The following NHLH2 variants were observed in gnomAD, a reference collection of about 807,000 sequenced individuals.
NHLH2 encodes the protein helix-loop-helix protein 2.
NHLH2 carries 7 observed loss-of-function variants against 7.3 expected under a neutral mutation model. The observed-to-expected ratio is 0.96, with a 90% CI of 0.55 to 1.81. The LOEUF (loss-of-function observed/expected upper bound fraction) is 1.81, where lower values mean the gene tolerates loss of function less well. Among genes scored for constraint, NHLH2 ranks in the 40% most tolerant of loss-of-function variants. The pLI, the probability that NHLH2 is intolerant of heterozygous loss-of-function variation, is 0.00. For synonymous variants in NHLH2, 93 were observed against 91.6 expected (o/e 1.01, Z -0.09); for missense variants, 155 against 194.0 (o/e 0.80, Z 1.19).
chr1:115,831,793 A>G (rs534013400), downstream of NHLH2, among the ~76,000 whole-genome samples: 50 of 152,112 alleles, frequency 3.3e-4, 2 homozygotes, highest in East Asian at 8.7e-3. Flanking sequence ...ATGGTGGTAC[A>G]TGCCTGTAAT....
chr1:115,831,711 A>G (rs148381366), downstream of NHLH2, among the ~76,000 whole-genome samples: 3,684 of 152,044 alleles, frequency 0.024, 126 homozygotes, highest in African/African-American at 0.083. Flanking sequence ...ACCTGAGGTC[A>G]GGAGTTCAAG....
In NHLH2 at chr1:115,841,074, G is replaced by A. The variant is rs1206877745; in HGVS notation, c.-464C>T. 6.0e-6 allele frequency: 1 copy of A among 167,140 alleles called. No individual in the cohort carries two copies. Among genetic ancestry groups the A allele is most frequent in the African/African-American group, 2.4e-5 (1 of 41,464 alleles). The allele number at this position is 167,140 out of a possible 1,614,324, so 10.4% of individuals were successfully genotyped here. A position where few individuals can be genotyped will look rare whatever the true frequency, so the allele number is the denominator to read the frequency against. On this transcript the variant is annotated 5_prime_UTR_variant, in exon 1 of 3. Transcript: ENST00000320238. ...AGACGGGAAGAGGGTGGGAGAGCCA[G>A]AGCAAAGAGGCAGAGATGCGTGTGT...
chr1:115,831,943 T>G (rs191987155), downstream of NHLH2, among the ~76,000 whole-genome samples: 608 of 151,078 alleles, frequency 4.0e-3, 2 homozygotes, highest in Middle Eastern at 0.01. Context: ...AAAAAAAAAT[T>G]TACCCCTTGT....
At position 115,837,309 on chromosome 1, in the gene NHLH2, G is replaced by A. The variant is rs919547467; in HGVS notation, c.*656C>T. 3.9e-5 allele frequency: 6 copies of A among 152,586 alleles called. No individual in the cohort carries two copies. Among genetic ancestry groups the A allele is most frequent in the Admixed American group, 6.5e-5 (1 of 15,286 alleles). The allele number at this position is 152,586 out of a possible 1,614,324, so 9.5% of individuals were successfully genotyped here. ...CCTGTCTACCTTGGTGTCATATCTT[G>A]GGGATAAAATATCACCAAGCTCAGA... On this transcript the variant is annotated 3_prime_UTR_variant, in exon 3 of 3. Coordinates refer to ENST00000320238, the MANE Select transcript of NHLH2 (RefSeq NM_005599.3).
chr1:115,834,455 T>C (rs983912993), downstream of NHLH2, among the ~76,000 whole-genome samples: 8 of 152,132 alleles, frequency 5.3e-5, no homozygotes, highest in African/African-American at 1.7e-4. Context: ...TGGGGCCAGC[T>C]GCGGAAAGGT....
chr1:115,838,757 T>G, intron 2 of NHLH2: 1 of 217,232 alleles, frequency 4.6e-6, no homozygotes. Flanking sequence ...TCCTCCTCCC[T>G]CCCTTCGTCC....
chr1:115,838,292 C>T lies in NHLH2; in HGVS notation c.81G>A (p.Thr27=), dbSNP rs750696691. The change falls in exon 3 of 3, where the codon ACG becomes ACA. Residue 27 remains threonine (T), a synonymous_variant. Transcript: ENST00000320238. ...AHSDPESLGG[T]DTKVLGSVSD... is the part of the protein sequence containing the mutation. ...ACACGCTGCCGAGCACCTTGGTGTCCGTGCCGCCCAGGGACTCCGGATCCG... is the reference window on the plus strand; with the variant it reads ...ACACGCTGCCGAGCACCTTGGTGTCTGTGCCGCCCAGGGACTCCGGATCCG... The T allele has an allele frequency of 6.2e-7, 1 of 1,608,110 alleles. No homozygotes were observed. The highest frequency in any genetic ancestry group is 1.3e-5 in the African/African-American group (1 of 74,716).
chr1:115,838,950 C>A (rs952061046), intron 2 of NHLH2: 1 of 167,040 alleles, frequency 6.0e-6, no homozygotes, highest in Non-Finnish European at 1.5e-5. Flanking sequence ...GGGGTGCGGC[C>A]GGTCAGGAAT....
rs973124974 is a variant in NHLH2, at chr1:115,837,632, G to T, written c.*333C>A. ...AGATTTGTGGCGGATGAATGTAGGAGAACTCAAAGTCTCCAGTGGGTTAAA... is the reference window on the plus strand; with the variant it reads ...AGATTTGTGGCGGATGAATGTAGGATAACTCAAAGTCTCCAGTGGGTTAAA... On this transcript the variant is annotated 3_prime_UTR_variant, in exon 3 of 3. Coordinates refer to ENST00000320238, the MANE Select transcript of NHLH2 (RefSeq NM_005599.3). The T allele has an allele frequency of 9.4e-6, 3 of 318,304 alleles. No individual in the cohort carries two copies. The highest frequency in any genetic ancestry group is 1.2e-5 in the Non-Finnish European group (2 of 173,820). 19.7% of individuals were successfully genotyped at this position (318,304 alleles called of 1,614,324 possible). A position where few individuals can be genotyped will look rare whatever the true frequency, so the allele number is the denominator to read the frequency against.
chr1:115,838,484 C>T (rs1650950212), intron 2 of NHLH2, 104 bp from the exon 3 acceptor site: 1 of 1,332,826 alleles, frequency 7.5e-7, no homozygotes, highest in African/African-American at 1.5e-5. Flanking sequence ...GGACGCGCGG[C>T]CCGGGCCCCC....
chr1:115,834,504 C>T (rs1018410226), downstream of NHLH2, among the ~76,000 whole-genome samples: 1 of 152,152 alleles, frequency 6.6e-6, no homozygotes, highest in African/African-American at 2.4e-5. Flanking sequence ...CATGAGCACT[C>T]AGAACATTTT....
At position 115,837,793 on chromosome 1, in the gene NHLH2, C is replaced by G. The variant is rs559787705; in HGVS notation, c.*172G>C. 8.2e-5 allele frequency: 58 copies of G among 703,878 alleles called. No homozygotes were observed. The highest frequency in any genetic ancestry group is 8.2e-4 in the South Asian group (39 of 47,430). 43.6% of individuals were successfully genotyped at this position (703,878 alleles called of 1,614,324 possible). A position where few individuals can be genotyped will look rare whatever the true frequency, so the allele number is the denominator to read the frequency against. On this transcript the variant is annotated 3_prime_UTR_variant, in exon 3 of 3. Coordinates refer to ENST00000320238, the MANE Select transcript of NHLH2 (RefSeq NM_005599.3). ...CCTGCCTGCGTCGGAAACCTTCCCT[C>G]GTCGCCCTGCTGACCAGAGAGAACA...
Position 115,840,321 on chromosome 1 carries a change from T to G in NHLH2, c.-114A>C, listed in dbSNP as rs947285699. 1 of 167,094 alleles carries G rather than the reference T, an allele frequency of 6.0e-6. No individual in the cohort carries two copies. The highest frequency in any genetic ancestry group is 2.4e-5 in the African/African-American group (1 of 41,470). 10.4% of individuals were successfully genotyped at this position (167,094 alleles called of 1,614,324 possible). A position where few individuals can be genotyped will look rare whatever the true frequency, so the allele number is the denominator to read the frequency against. On this transcript the variant is annotated 5_prime_UTR_variant, in exon 2 of 3. It removes the in-frame stop codon of an upstream open reading frame in the 5' UTR. Coordinates refer to ENST00000320238, the MANE Select transcript of NHLH2 (RefSeq NM_005599.3). Reference sequence around the variant, plus strand: ...AATATTAAAAGCAGCAAATATTTATTACATTCAAAAATGAAAAAGCAGCTG... The same window carrying G: ...AATATTAAAAGCAGCAAATATTTATGACATTCAAAAATGAAAAAGCAGCTG...
At chr1:115,833,026 A>G (rs1650787842), downstream of NHLH2, among the ~76,000 whole-genome samples, 2 of 152,216 alleles carry the variant, frequency 1.3e-5, no homozygotes, top group Non-Finnish European at 1.5e-5. Flanking sequence ...GGTCTGGAAC[A>G]AGACTGTGAA....
At chr1:115,831,851 G>A (rs888772042), downstream of NHLH2, among the ~76,000 whole-genome samples, 1 of 151,726 alleles carries the variant, frequency 6.6e-6, no homozygotes, top group Admixed American at 6.6e-5. Context: ...GAACCTGGGA[G>A]GTGGAGGTTG....
chr1:115,838,413 G>T, intron 2 of NHLH2, 33 bp from the exon 3 acceptor site: 1 of 1,601,372 alleles, frequency 6.2e-7, no homozygotes, highest in Non-Finnish European at 8.5e-7. Context: ...ATCAGTAAAA[G>T]GAATCAGGGT....
chr1:115,831,912 G>A (rs971903287), downstream of NHLH2, among the ~76,000 whole-genome samples: 1 of 137,288 alleles, frequency 7.3e-6, no homozygotes, highest in Non-Finnish European at 1.6e-5. Flanking sequence ...GCCACAGAGC[G>A]AGACTTGGTC....
chr1:115,838,463 G>A (rs930848741), intron 2 of NHLH2, 83 bp from the exon 3 acceptor site: 6 of 1,484,296 alleles, frequency 4.0e-6, no homozygotes, highest in Non-Finnish European at 5.5e-6. Context: ...TACCACGCCG[G>A]TCCTCCCAGC....
At chr1:115,838,476 A>C in intron 2 of NHLH2, 96 bp from the exon 3 acceptor site, 1 of 1,407,276 alleles carries the variant, frequency 7.1e-7, no homozygotes, top group Non-Finnish European at 9.8e-7. Context: ...CTCCCAGCGG[A>C]CGCGCGGCCC....
Sources: allele counts gnomAD v4.1 joint callset (sites outside exome capture counted in the v4.1 genomes callset), GRCh38; gene constraint gnomAD v4.1.1; transcripts MANE v1.5; gene names NCBI Gene and HGNC (gene_info 2026-07-23, HGNC 2026-07-21).